Variants in SCHIP1 observed in about 807,000 individuals in gnomAD.
The protein encoded by SCHIP1 is schwannomin interacting protein 1, also known as schwannomin-interacting protein 1.
SCHIP1 carries 8 observed loss-of-function variants against 29.7 expected under a neutral mutation model. That is an observed-to-expected ratio of 0.27 (90% CI 0.16 to 0.49). The LOEUF (loss-of-function observed/expected upper bound fraction) is 0.49. Ranked by LOEUF, SCHIP1 falls within the 20% of genes least tolerant of loss-of-function variation. SCHIP1 has a pLI of 0.99. For missense variants in SCHIP1, 193 were observed against 294.6 expected (o/e 0.66, Z 2.52); for synonymous variants, 76 against 94.9 (o/e 0.80, Z 1.16).
At chr3:159,559,742 A>G in the SCHIP1 span, among the ~76,000 whole-genome samples, 5 of 152,084 alleles carry the variant, frequency 3.3e-5, no homozygotes, top group African/African-American at 9.7e-5. Context: ...TTTGCAGTCA[A>G]TTCCCACCCT....
the SCHIP1 span, among the ~76,000 whole-genome samples, chr3:159,688,334 C>T: frequency 3.3e-5 from 5 of 152,202 alleles, no homozygotes; most frequent in African/African-American, 1.2e-4. Context: ...TTTTGATTTG[C>T]ATTTCTCTAA....
the SCHIP1 span, among the ~76,000 whole-genome samples, chr3:159,812,813 A>G: frequency 6.6e-6 from 1 of 152,150 alleles, no homozygotes; most frequent in South Asian, 2.1e-4. Context: ...AGACTGGGTA[A>G]TTTATAAGGA....
At chr3:159,330,857 TTC>T in the SCHIP1 span, among the ~76,000 whole-genome samples, 1 of 152,206 alleles carries the variant, frequency 6.6e-6, no homozygotes, top group African/African-American at 2.4e-5. Flanking sequence ...TTGAGTTTTT[TTC>T]TCTTTTACTT....
chr3:159,821,248 A>G, the SCHIP1 span, among the ~76,000 whole-genome samples: 8 of 152,314 alleles, frequency 5.3e-5, no homozygotes, highest in Non-Finnish European at 7.4e-5. Context: ...AGGAGAAAAA[A>G]GGGGAGAGAG....
chr3:159,405,891 AAAAAG>A, the SCHIP1 span, among the ~76,000 whole-genome samples: 6 of 151,658 alleles, frequency 4.0e-5, no homozygotes, highest in South Asian at 4.1e-4. Flanking sequence ...AAAAAAAAAA[AAAAAG>A]AAAAGAAAAG....
the SCHIP1 span, among the ~76,000 whole-genome samples, chr3:159,412,199 A>G: frequency 2.0e-5 from 3 of 152,202 alleles, no homozygotes; most frequent in African/African-American, 7.2e-5. Flanking sequence ...TAGTGAAACA[A>G]GATTTTGGAC....
At chr3:159,734,289 C>T in the SCHIP1 span, among the ~76,000 whole-genome samples, 39 of 151,658 alleles carry the variant, frequency 2.6e-4, no homozygotes, top group South Asian at 2.7e-3. Context: ...ATGACAGACA[C>T]GTGCCACCAT....
At chr3:159,678,941 T>C in the SCHIP1 span, among the ~76,000 whole-genome samples, 1 of 152,232 alleles carries the variant, frequency 6.6e-6, no homozygotes, top group African/African-American at 2.4e-5. Context: ...CAATTATCTC[T>C]ACCTGGTCCC....
At chr3:159,273,996 A>G in the SCHIP1 span, 1 of 1,507,004 alleles carries the variant, frequency 6.6e-7, no homozygotes, top group African/African-American at 1.4e-5. Flanking sequence ...GATGGCCTTC[A>G]TTACATTTTT....
the SCHIP1 span, among the ~76,000 whole-genome samples, chr3:159,517,904 C>T: frequency 6.6e-6 from 1 of 152,050 alleles, no homozygotes; most frequent in Non-Finnish European, 1.5e-5. Context: ...GCTATCAATG[C>T]ACTTTTTCCA....
the SCHIP1 span, among the ~76,000 whole-genome samples, chr3:159,473,674 G>GAAAAAAAAAAAAAAAAAAAAAAAAATAA: frequency 1.2e-5 from 1 of 81,446 alleles, no homozygotes; most frequent in Non-Finnish European, 2.4e-5. Flanking sequence ...ATGTAACTAC[G>GAAAAAAAAAAAAAAAAAAAAAAAAATAA]AAAAAAAAAA....
chr3:159,630,282 C>T, the SCHIP1 span, among the ~76,000 whole-genome samples: 376 of 152,260 alleles, frequency 2.5e-3, 3 homozygotes, highest in African/African-American at 8.4e-3. Context: ...AAATTCCACA[C>T]TGTATGACCT....
At chr3:159,785,898 C>G in the SCHIP1 span, among the ~76,000 whole-genome samples, 1 of 151,948 alleles carries the variant, frequency 6.6e-6, no homozygotes, top group African/African-American at 2.4e-5. Context: ...ACAAACTGGT[C>G]GAAACATCAG....
the SCHIP1 span, among the ~76,000 whole-genome samples, chr3:159,287,158 AATG>A: frequency 6.6e-6 from 1 of 152,072 alleles, no homozygotes; most frequent in Admixed American, 6.5e-5. Context: ...CTATGTTCAG[AATG>A]ATATCTCCTA....
At chr3:159,652,866 T>C in the SCHIP1 span, among the ~76,000 whole-genome samples, 1 of 152,174 alleles carries the variant, frequency 6.6e-6, no homozygotes, top group African/African-American at 2.4e-5. Flanking sequence ...TTCAGCAACA[T>C]GGATAAAACT....
At chr3:159,557,261 G>A in the SCHIP1 span, among the ~76,000 whole-genome samples, 1 of 152,108 alleles carries the variant, frequency 6.6e-6, no homozygotes, top group Admixed American at 6.5e-5. Context: ...ACTCTTATAA[G>A]GGTATAAAAA....
chr3:159,553,727 G>A, the SCHIP1 span, among the ~76,000 whole-genome samples: 35 of 152,210 alleles, frequency 2.3e-4, no homozygotes, highest in East Asian at 6.2e-3. Context: ...TCCCACTTTG[G>A]TCTTTCCCAC....
At chr3:159,887,497 C>G in intron 3 of SCHIP1, 1 of 550,096 alleles carries the variant, frequency 1.8e-6, no homozygotes, top group Non-Finnish European at 3.2e-6. Flanking sequence ...CCATTATTAA[C>G]TATACTGCTC....
intron 2 of SCHIP1, among the ~76,000 whole-genome samples, chr3:159,878,420 T>C (rs887152558): frequency 3.3e-5 from 5 of 151,706 alleles, no homozygotes; most frequent in Non-Finnish European, 1.5e-5. Flanking sequence ...AGGCGGAGGT[T>C]GCAGTGAGCC....
Sources: gnomAD v4.1 joint callset for allele counts (sites outside exome capture counted in the v4.1 genomes callset) on GRCh38, gnomAD v4.1.1 for gene constraint, MANE v1.5 for transcripts, NCBI Gene and HGNC (gene_info 2026-07-23, HGNC 2026-07-21) for gene names.